JARID2: variants seen among roughly 807,000 people sequenced by gnomAD.
JARID2 encodes protein Jumonji.
A neutral mutation model predicts 125.6 loss-of-function variants in JARID2; 21 were observed. The observed-to-expected ratio is 0.17, with a 90% CI of 0.12 to 0.24. The LOEUF is 0.24. Among genes scored for constraint, JARID2 ranks in the 10% least tolerant of loss-of-function variants. The probability of loss-of-function intolerance (pLI) is 1.00; values close to 1 mark genes in which losing one functional copy is unlikely to be tolerated. For synonymous variants in JARID2, 736 were observed against 661.6 expected, an observed-to-expected ratio of 1.11 and a Z score of -1.73; for missense variants, 1,303 against 1,639.6, an observed-to-expected ratio of 0.79 and a Z score of 3.55.
intron 6 of JARID2, among the ~76,000 whole-genome samples, chr6:15,488,264 G>A (rs185306268): frequency 2.4e-3 from 362 of 152,308 alleles, no homozygotes; most frequent in African/African-American, 7.9e-3. Context: ...CCCATTCCTG[G>A]ACATTGATTT....
chr6:15,467,798 T>A (rs1413571147), intron 4 of JARID2, among the ~76,000 whole-genome samples: 1 of 152,040 alleles, frequency 6.6e-6, no homozygotes, highest in Non-Finnish European at 1.5e-5. Context: ...GGCAACAGAG[T>A]GAGACCCTTT....
At chr6:15,247,719 C>T (rs1759239165) in intron 1 of JARID2, 1 of 985,166 alleles carries the variant, frequency 1.0e-6, no homozygotes, top group Non-Finnish European at 1.2e-6. Flanking sequence ...AATGGAAAAG[C>T]TGAATGCCTC....
At chr6:15,419,541 A>AT (rs1336441940) in intron 3 of JARID2, among the ~76,000 whole-genome samples, 38 of 152,256 alleles carry the variant, frequency 2.5e-4, no homozygotes, top group African/African-American at 8.9e-4. Flanking sequence ...CAGCTTTTGT[A>AT]TGTCTGGGAA....
rs1368369731 is a variant in JARID2 at position 15,246,206 on chromosome 6, T to G, written c.-334T>G. 4 of 472,176 alleles carry G rather than the reference T, an allele frequency of 8.5e-6. No individual in the cohort carries two copies. The highest frequency in any genetic ancestry group is 1.5e-5 in the Non-Finnish European group (4 of 270,004). The allele number at this position is 472,176 out of a possible 1,614,324, so 29.2% of individuals were successfully genotyped here. On this transcript the variant is annotated 5_prime_UTR_variant, in exon 1 of 18. Transcript: ENST00000341776. ...GACCTTCACGTTTCGCTGATGTAGT[T>G]TTTGGAGGAAAAAGGGGGGGGAGTG...
At chr6:15,268,536 T>C (rs1760175989) in intron 1 of JARID2, among the ~76,000 whole-genome samples, 1 of 152,036 alleles carries the variant, frequency 6.6e-6, no homozygotes, top group Non-Finnish European at 1.5e-5. Context: ...AAAGCCTGGA[T>C]GGAAAGGACG....
intron 3 of JARID2, among the ~76,000 whole-genome samples, chr6:15,427,630 A>G (rs1766786558): frequency 6.6e-6 from 1 of 151,964 alleles, no homozygotes; most frequent in African/African-American, 2.4e-5. Flanking sequence ...TTGCCTTTTC[A>G]CACCCCCAAA....
intron 1 of JARID2, chr6:15,248,656 C>CGCGCCG (rs1046442350): frequency 2.0e-5 from 3 of 152,198 alleles, no homozygotes; most frequent in Non-Finnish European, 4.4e-5. Flanking sequence ...TCCCCCGCCG[C>CGCGCCG]GCGCCGGCGC....
chr6:15,473,012 C>T (rs1376724099), intron 5 of JARID2, among the ~76,000 whole-genome samples: 2 of 151,250 alleles, frequency 1.3e-5, no homozygotes, highest in African/African-American at 4.9e-5. Context: ...AGAATTTTTC[C>T]TACAGAATTT....
At chr6:15,442,871 A>AT (rs1767507183) in intron 3 of JARID2, among the ~76,000 whole-genome samples, 1 of 152,228 alleles carries the variant, frequency 6.6e-6, no homozygotes, top group Non-Finnish European at 1.5e-5. Flanking sequence ...TTCAAGAAAC[A>AT]TAATTGAATA....
intron 6 of JARID2, among the ~76,000 whole-genome samples, chr6:15,494,873 C>T (rs544541891): frequency 4.6e-5 from 7 of 152,334 alleles, no homozygotes; most frequent in African/African-American, 1.7e-4. Flanking sequence ...GCCATCACTG[C>T]ATGTGGCCAG....
At chr6:15,324,770 T>G (rs1762481939) in intron 1 of JARID2, among the ~76,000 whole-genome samples, 1 of 151,440 alleles carries the variant, frequency 6.6e-6, no homozygotes, top group Admixed American at 6.6e-5. Flanking sequence ...ATTGCAAGTG[T>G]GAGCCACCGC....
rs867158756 is a variant in JARID2 at position 15,428,943 on chromosome 6, A to C, written c.323+18578A>C. ...AAAAAAAAACAAACCCCCCCCCCAAAAAAAAAAAAAACTTCTAGAGTATAG... is the reference window on the plus strand; with the variant it reads ...AAAAAAAAACAAACCCCCCCCCCAACAAAAAAAAAAACTTCTAGAGTATAG... On this transcript the variant is annotated intron_variant, in intron 3 of 17. Coordinates refer to ENST00000341776, the MANE Select transcript of JARID2 (RefSeq NM_004973.4). Among the ~76,000 whole-genome samples, 1,220 of 127,126 alleles carry C rather than the reference A, an allele frequency of 9.6e-3. 17 individuals carry two copies. Among genetic ancestry groups the C allele is most frequent in the African/African-American group, 0.019 (640 of 33,340 alleles). The allele number at this position is 127,126 out of a possible 152,430, so 83.4% of individuals were successfully genotyped here. A position where few individuals can be genotyped will look rare whatever the true frequency, so the allele number is the denominator to read the frequency against.
At chr6:15,366,527 T>TGGGGG (rs1763985003) in intron 1 of JARID2, among the ~76,000 whole-genome samples, 1 of 28,974 alleles carries the variant, frequency 3.5e-5, no homozygotes, top group Non-Finnish European at 7.0e-5. Context: ...GCGGGGGGGG[T>TGGGGG]GGGGGGTGGG....
chr6:15,458,327 G>A (rs1288139501), intron 4 of JARID2, among the ~76,000 whole-genome samples: 1 of 152,216 alleles, frequency 6.6e-6, no homozygotes. Context: ...GACTCCTGAA[G>A]CATGCAAACC....
rs559555968 is a variant in JARID2, at chr6:15,340,730, A to C, written c.46-33387A>C. On this transcript the variant is annotated intron_variant, in intron 1 of 17. Coordinates refer to ENST00000341776, the MANE Select transcript of JARID2 (RefSeq NM_004973.4). ...AAGCTGAGGCCGTGATCTTTATTTCAATCCTACTTGGTCGTTTGCTGGTCA... is the reference window on the plus strand; with the variant it reads ...AAGCTGAGGCCGTGATCTTTATTTCCATCCTACTTGGTCGTTTGCTGGTCA... Among the ~76,000 whole-genome samples the C allele has an allele frequency of 2.0e-5, 3 of 152,288 alleles. No individual in the cohort carries two copies. In the South Asian group the frequency reaches 6.2e-4, roughly 32 times the overall value.
chr6:15,395,489 T>A lies in JARID2; in HGVS notation c.182-14735T>A, dbSNP rs574309450. ...ATCGTGTTAGCCAGGATGGTCTCGA[T>A]CTCCTGACCTTGTGATCCACCTGCC... On this transcript the variant is annotated intron_variant, in intron 2 of 17. Transcript: ENST00000341776. Among the ~76,000 whole-genome samples the A allele has an allele frequency of 2.0e-5, 3 of 152,262 alleles. No homozygotes were observed. In the East Asian group the frequency reaches 5.8e-4, roughly 29 times the overall value.
intron 1 of JARID2, among the ~76,000 whole-genome samples, chr6:15,325,167 A>G (rs1267229424): frequency 6.6e-6 from 1 of 151,868 alleles, no homozygotes; most frequent in Non-Finnish European, 1.5e-5. Flanking sequence ...TTCTTTATAA[A>G]GACTTTTATA....
chr6:15,429,266 C>G (rs1482307229), intron 3 of JARID2, among the ~76,000 whole-genome samples: 1 of 144,760 alleles, frequency 6.9e-6, no homozygotes, highest in East Asian at 2.0e-4. Flanking sequence ...TTTTCTTGTT[C>G]TTTTTTTTTT....
intron 11 of JARID2, 41 bp downstream of exon 11, chr6:15,507,457 CAT>C (rs1771058639): frequency 6.4e-7 from 1 of 1,555,536 alleles, no homozygotes; most frequent in Non-Finnish European, 8.9e-7. Context: ...CAGCTGTGTC[CAT>C]GAGTCCTACT....
Sources: allele counts gnomAD v4.1 joint callset (sites outside exome capture counted in the v4.1 genomes callset), GRCh38; gene constraint gnomAD v4.1.1; transcripts MANE v1.5; gene names NCBI Gene and HGNC (gene_info 2026-07-23, HGNC 2026-07-21).